DYNC2H1: variants seen among roughly 807,000 people sequenced by gnomAD.
DYNC2H1 encodes the protein cytoplasmic dynein 2 heavy chain 1.
A neutral mutation model predicts 570.0 loss-of-function variants in DYNC2H1; 410 were observed. That is an observed-to-expected ratio of 0.72 (90% CI 0.66 to 0.78). The LOEUF (loss-of-function observed/expected upper bound fraction) is 0.78, where lower values mean the gene tolerates loss of function less well. Among genes scored for constraint, DYNC2H1 ranks in the 30% least tolerant of loss-of-function variants. The pLI, the probability that DYNC2H1 is intolerant of heterozygous loss-of-function variation, is 0.00. For synonymous variants in DYNC2H1, 1,688 were observed against 1,677.6 expected (o/e 1.01, Z -0.15); for missense variants, 4,865 against 5,046.4 (o/e 0.96, Z 1.09).
In DYNC2H1 at chr11:103,280,586, G is replaced by A. The variant is rs1391777053; in HGVS notation, c.10761+173G>A. Among the ~76,000 whole-genome samples the A allele has an allele frequency of 1.3e-5, 2 of 152,088 alleles. No individual in the cohort carries two copies. Among genetic ancestry groups the A allele is most frequent in the African/African-American group, 4.8e-5 (2 of 41,426 alleles). The stretch of plus-strand genomic sequence containing the variant: ...TGATTCCTAGTTCTACTTCCCTGTG[G>A]ATGAGCCTAACATTCCAGAGTGATG... On this transcript the variant is annotated intron_variant, in intron 71 of 88. Transcript: ENST00000375735. This position sits in a 1 kb window ranked among gnomAD's most constrained non-coding sequence, Gnocchi z 4.7.
rs920715399 is a variant in DYNC2H1 at position 103,342,648 on chromosome 11, G to A, written c.12040-15595G>A. ...CTCCTGAGTAGCTGGGACTACAGGC[G>A]CCCACCACCATGCCCGGCTAATTTT... On this transcript the variant is annotated intron_variant, in intron 82 of 88. Transcript: ENST00000375735. Among the ~76,000 whole-genome samples the A allele has an allele frequency of 2.4e-4, 36 of 151,900 alleles. 1 individual carries two copies. The highest frequency in any genetic ancestry group is 1.3e-3 in the Admixed American group (20 of 15,262).
At chr11:103,298,555 A>G (rs566880972) in intron 75 of DYNC2H1, among the ~76,000 whole-genome samples, 27 of 152,286 alleles carry the variant, frequency 1.8e-4, no homozygotes, top group African/African-American at 6.5e-4. Flanking sequence ...ATACACTTTT[A>G]AAATCATACT....
intron 85 of DYNC2H1, among the ~76,000 whole-genome samples, chr11:103,445,503 GATGGACTAGGGTGGTAGCTGTGTATT>G (rs964320549): frequency 2.6e-5 from 4 of 152,220 alleles, no homozygotes; most frequent in Non-Finnish European, 5.9e-5. Flanking sequence ...GTGAGGTTAT[GATGGACTAGGGTGGTAGCTGTGTATT>G]ATGGACTAGG....
chr11:103,422,695 T>C (rs1943529527), intron 84 of DYNC2H1, among the ~76,000 whole-genome samples: 1 of 152,008 alleles, frequency 6.6e-6, no homozygotes, highest in African/African-American at 2.4e-5. Flanking sequence ...TATCTCAGGA[T>C]AGAGAGCCAT....
intron 11 of DYNC2H1, 37 bp downstream of exon 11, chr11:103,123,037 CAT>C: frequency 3.9e-6 from 5 of 1,281,402 alleles, no homozygotes; most frequent in Non-Finnish European, 5.0e-6. Context: ...AATCCAAAAC[CAT>C]ATGTTATTAA....
chr11:103,248,817 A>C (rs538569027), intron 65 of DYNC2H1, among the ~76,000 whole-genome samples: 1 of 152,188 alleles, frequency 6.6e-6, no homozygotes, highest in South Asian at 2.1e-4. Context: ...TATCACAGTG[A>C]GTGCATCTAA....
intron 25 of DYNC2H1, 22 bp from the exon 26 acceptor site, chr11:103,156,366 A>T (rs772845768): frequency 6.3e-7 from 1 of 1,592,764 alleles, no homozygotes; most frequent in Non-Finnish European, 8.5e-7. Flanking sequence ...AGTAATAAAC[A>T]TGGATATTTT....
rs1037073385 is a variant in DYNC2H1 at position 103,249,176 on chromosome 11, GAC to G, written c.10042+3804_10042+3805del. On this transcript the variant is annotated intron_variant, in intron 65 of 88. Transcript: ENST00000375735. The surrounding 1 kb of genome is among the most constrained non-coding windows in gnomAD (Gnocchi z 4.6). ...GATATTTTCTATGAATAAGAGATGAGACAACACTGAAGAGTCTTTTTTAGACA... is the reference window on the plus strand; with the variant it reads ...GATATTTTCTATGAATAAGAGATGAGAACACTGAAGAGTCTTTTTTAGACA... 4.3e-4 allele frequency among the ~76,000 whole-genome samples: 65 copies of G among 151,952 alleles called. No individual in the cohort carries two copies. The highest frequency in any genetic ancestry group is 1.5e-3 in the African/African-American group (61 of 41,496).
Position 103,113,624 on chromosome 11 carries a change from A to T in DYNC2H1, c.283A>T (p.Ile95Phe). ...VITDENLHDN[I>F]LVSSMLESPI... ...TACTGATGAGAATCTACATGATAAC[A>T]TTCTTGTTTCATCTATGTTAGAGTC... The change falls in exon 2 of 89, where the codon ATT becomes TTT. Residue 95 changes from isoleucine (I) to phenylalanine (F), a missense_variant. Coordinates refer to ENST00000375735, the MANE Select transcript of DYNC2H1 (RefSeq NM_001377.3). The T allele has an allele frequency of 6.3e-7, 1 of 1,575,954 alleles. No homozygotes were observed. Among genetic ancestry groups the T allele is most frequent in the Non-Finnish European group, 8.6e-7 (1 of 1,166,422 alleles).
At chr11:103,257,412 A>C (rs117042755) in intron 68 of DYNC2H1, among the ~76,000 whole-genome samples, 196 bp from the exon 69 acceptor site, 1 of 152,230 alleles carries the variant, frequency 6.6e-6, no homozygotes, top group Non-Finnish European at 1.5e-5. Context: ...TATAAAAATG[A>C]GGAAGAAAAA....
chr11:103,450,850 A>G (rs1422891447), intron 85 of DYNC2H1, among the ~76,000 whole-genome samples: 2 of 152,216 alleles, frequency 1.3e-5, no homozygotes, highest in Non-Finnish European at 2.9e-5. Flanking sequence ...TATAGGCTAG[A>G]CAGACCCACT....
intron 83 of DYNC2H1, among the ~76,000 whole-genome samples, chr11:103,396,939 T>A (rs1287800303): frequency 6.6e-6 from 1 of 152,128 alleles, no homozygotes; most frequent in Non-Finnish European, 1.5e-5. Context: ...CACATGGACA[T>A]ACAAAGTGGA....
At chr11:103,179,748 A>T (rs1368622760) in intron 39 of DYNC2H1, among the ~76,000 whole-genome samples, 1 of 151,510 alleles carries the variant, frequency 6.6e-6, no homozygotes, top group Admixed American at 6.6e-5. Flanking sequence ...TTTCTTCTTC[A>T]GTATATTTGG....
At chr11:103,429,874 A>C (rs1187819843) in intron 84 of DYNC2H1, among the ~76,000 whole-genome samples, 2 of 152,150 alleles carry the variant, frequency 1.3e-5, no homozygotes, top group Non-Finnish European at 2.9e-5. Context: ...TTTTTCACAC[A>C]TCATAAAAAC....
In DYNC2H1 at chr11:103,358,223, C is replaced by G; in HGVS notation, c.12040-20C>G. 7.1e-7 allele frequency: 1 copy of G among 1,398,926 alleles called. No individual in the cohort carries two copies. 86.7% of individuals were successfully genotyped at this position (1,398,926 alleles called of 1,614,324 possible). On this transcript the variant is annotated intron_variant, in intron 82 of 88. Transcript: ENST00000375735. ...CTGAAGTTCTTTTTATTTGTTGATA[C>G]TTATTATTTTTTTATTCAGGTTATT... is the stretch of plus-strand genomic sequence containing the variant.
At chr11:103,303,725 T>C (rs1867150548) in intron 76 of DYNC2H1, among the ~76,000 whole-genome samples, 1 of 152,156 alleles carries the variant, frequency 6.6e-6, no homozygotes, top group African/African-American at 2.4e-5. Flanking sequence ...GTAGTACCTT[T>C]GTTTTCAAAC....
At chr11:103,366,054 A>G (rs957819919) in intron 83 of DYNC2H1, among the ~76,000 whole-genome samples, 2 of 152,248 alleles carry the variant, frequency 1.3e-5, no homozygotes, top group African/African-American at 4.8e-5. Flanking sequence ...AAACGTAGTC[A>G]TGGAACCAAG....
At position 103,125,190 on chromosome 11, in the gene DYNC2H1, A is replaced by G. The variant is rs1257969828; in HGVS notation, c.1752A>G (p.Arg584=). ...HYSDRLVILL[R]EVRQLSALGF... ...CAGATCGTTTGGTGATTCTTCTGAGAGAAGTTCGTCAGCTCTCTGCACTTG... is the reference window on the plus strand; with the variant it reads ...CAGATCGTTTGGTGATTCTTCTGAGGGAAGTTCGTCAGCTCTCTGCACTTG... Residue 584 remains arginine (R), a synonymous_variant, in exon 12 of 89, where the codon AGA becomes AGG. Coordinates refer to ENST00000375735, the MANE Select transcript of DYNC2H1 (RefSeq NM_001377.3). 38 of 1,613,560 alleles carry G rather than the reference A, an allele frequency of 2.4e-5. No individual in the cohort carries two copies. The highest frequency in any genetic ancestry group is 3.1e-5 in the Non-Finnish European group (36 of 1,179,764).
chr11:103,251,415 TTTA>T (rs1355120230), intron 65 of DYNC2H1, among the ~76,000 whole-genome samples: 2 of 152,118 alleles, frequency 1.3e-5, no homozygotes, highest in Non-Finnish European at 2.9e-5. Context: ...TAAAAAATAT[TTTA>T]TTGTGCATAT....
Sources: allele counts gnomAD v4.1 joint callset (sites outside exome capture counted in the v4.1 genomes callset), GRCh38; gene constraint gnomAD v4.1.1; non-coding constraint Gnocchi (gnomAD v3.1); transcripts MANE v1.5; gene names NCBI Gene and HGNC (gene_info 2026-07-23, HGNC 2026-07-21).